The following XKR6 variants were observed in gnomAD, a reference collection of about 807,000 sequenced individuals.
XKR6 encodes XK-related protein 6.
Under a neutral mutation model 56.7 loss-of-function variants are expected in XKR6, and 22 were observed. The ratio of observed to expected loss-of-function variants is 0.39; its 90% CI spans 0.28 to 0.55. XKR6 has a LOEUF of 0.55. Among genes scored for constraint, XKR6 ranks in the 20% least tolerant of loss-of-function variants. XKR6 has a pLI of 0.66. For missense variants in XKR6, 852 were observed against 889.0 expected (o/e 0.96, Z 0.53); for synonymous variants, 524 against 387.8 (o/e 1.35, Z -4.13).
At chr8:11,150,901 A>T (rs951693242) in intron 1 of XKR6, among the ~76,000 whole-genome samples, 3 of 150,056 alleles carry the variant, frequency 2.0e-5, no homozygotes, top group African/African-American at 4.9e-5. Context: ...GAAATCAGTT[A>T]TTTTTTTCTC....
intron 1 of XKR6, among the ~76,000 whole-genome samples, chr8:11,016,927 TAGAC>T (rs1798638457): frequency 1.3e-5 from 2 of 152,210 alleles, no homozygotes; most frequent in African/African-American, 4.8e-5. Flanking sequence ...TTCCTTTAGA[TAGAC>T]AGACAGGTTA....
At chr8:11,154,668 GT>G (rs1454767892) in intron 1 of XKR6, among the ~76,000 whole-genome samples, 1 of 152,186 alleles carries the variant, frequency 6.6e-6, no homozygotes, top group Non-Finnish European at 1.5e-5. Context: ...TGCTGGAAAG[GT>G]ATCAGTCAGT....
intron 1 of XKR6, among the ~76,000 whole-genome samples, chr8:10,988,101 C>G (rs1413624310): frequency 6.6e-6 from 1 of 152,178 alleles, no homozygotes; most frequent in Non-Finnish European, 1.5e-5. Context: ...AAAGTTTCAC[C>G]CTCCCCTTCA....
In XKR6 at chr8:11,201,368, G is replaced by A. The variant is rs1804228887; in HGVS notation, c.-29C>T. 1 of 1,424,744 alleles carries A rather than the reference G, an allele frequency of 7.0e-7. No homozygotes were observed. The highest frequency in any genetic ancestry group is 9.2e-7 in the Non-Finnish European group (1 of 1,088,886). 88.3% of individuals were successfully genotyped at this position (1,424,744 alleles called of 1,614,324 possible). On this transcript the variant is annotated 5_prime_UTR_variant, in exon 1 of 3. Transcript: ENST00000416569. ...GACTCTCTTCCCAGCTCCGGAGGTT[G>A]GGGGGGAGGGACGGCGGGGGGGGGG...
At chr8:11,070,779 G>A (rs776496518) in intron 1 of XKR6, among the ~76,000 whole-genome samples, 9 of 152,188 alleles carry the variant, frequency 5.9e-5, no homozygotes, top group South Asian at 2.1e-4. Context: ...TTTAGAGATC[G>A]TGAATCAATA....
intron 1 of XKR6, chr8:11,124,188 G>C: frequency 2.8e-6 from 1 of 355,828 alleles, no homozygotes; most frequent in Admixed American, 3.7e-5. Context: ...ATTTGAGGGA[G>C]AAAAAAGCCA....
intron 1 of XKR6, among the ~76,000 whole-genome samples, chr8:11,181,457 C>G (rs774193379): frequency 6.6e-6 from 1 of 152,116 alleles, no homozygotes; most frequent in Non-Finnish European, 1.5e-5. Flanking sequence ...TACAAAGTGA[C>G]TATAGTTTTC....
At chr8:11,008,625 G>A (rs1333779127) in intron 1 of XKR6, among the ~76,000 whole-genome samples, 2 of 151,910 alleles carry the variant, frequency 1.3e-5, no homozygotes, top group East Asian at 3.9e-4. Context: ...CCATTACCCA[G>A]GTTGGGCTCA....
At chr8:10,945,224 C>T (rs1046775405) in intron 1 of XKR6, among the ~76,000 whole-genome samples, 2 of 152,190 alleles carry the variant, frequency 1.3e-5, no homozygotes, top group African/African-American at 4.8e-5. Flanking sequence ...TGGCTCATAC[C>T]TGCAGTCCCA....
rs540140601 is a variant in XKR6, at chr8:10,999,344, T to C, written c.765-74514A>G. On this transcript the variant is annotated intron_variant, in intron 1 of 2. Coordinates refer to ENST00000416569, the MANE Select transcript of XKR6 (RefSeq NM_173683.4). ...GTTGGCTAAGGAGATGCACATAATATGGTGTTGAAAGAAAAATTCAGGATA... is the reference window on the plus strand; with the variant it reads ...GTTGGCTAAGGAGATGCACATAATACGGTGTTGAAAGAAAAATTCAGGATA... Among the ~76,000 whole-genome samples, 8 of 152,330 alleles carry C rather than the reference T, an allele frequency of 5.3e-5. No individual in the cohort carries two copies. The South Asian group carries it at 1.2e-3, about 24-fold the overall frequency.
At chr8:10,964,436 G>A (rs1229782534) in intron 1 of XKR6, among the ~76,000 whole-genome samples, 2 of 152,140 alleles carry the variant, frequency 1.3e-5, no homozygotes, top group African/African-American at 2.4e-5. Context: ...TTCCTCAGTG[G>A]CAGGAACCCA....
chr8:11,135,020 T>G (rs766432273), intron 1 of XKR6, among the ~76,000 whole-genome samples: 1 of 149,338 alleles, frequency 6.7e-6, no homozygotes, highest in African/African-American at 2.5e-5. Flanking sequence ...CAAAAATGCA[T>G]AGAAAATGCA....
At chr8:11,078,661 G>A (rs1461109480) in intron 1 of XKR6, among the ~76,000 whole-genome samples, 1 of 152,232 alleles carries the variant, frequency 6.6e-6, no homozygotes, top group East Asian at 1.9e-4. Context: ...GCTTGATGGA[G>A]GCCCCCCATG....
At position 11,201,077 on chromosome 8, in the gene XKR6, G is replaced by C; in HGVS notation, c.263C>G (p.Ala88Gly). ...LGRKPRRSAA[A>G]DGGDQPLQPP... ...CTGCAGCGGCTGGTCCCCCCCGTCG[G>C]CGGCGGCGCTGCGGCGCGGCTTCCT... Residue 88 changes from alanine to glycine, a missense_variant, in exon 1 of 3, where the codon GCC becomes GGC. By Grantham distance (60) the Ala-to-Gly change is moderately conservative. Transcript: ENST00000416569. 3 of 1,339,494 alleles carry C rather than the reference G, an allele frequency of 2.2e-6. No homozygotes were observed. Among genetic ancestry groups the C allele is most frequent in the South Asian group, 3.8e-5 (2 of 52,928 alleles). The allele number at this position is 1,339,494 out of a possible 1,614,324, so 83.0% of individuals were successfully genotyped here. A position where few individuals can be genotyped will look rare whatever the true frequency, so the allele number is the denominator to read the frequency against.
At chr8:11,061,496 A>C (rs952271636) in intron 1 of XKR6, among the ~76,000 whole-genome samples, 12 of 152,152 alleles carry the variant, frequency 7.9e-5, no homozygotes, top group African/African-American at 2.9e-4. Flanking sequence ...TGAACCAGTA[A>C]AAATGGGAAC....
intron 1 of XKR6, among the ~76,000 whole-genome samples, chr8:11,126,384 G>C (rs1264263745): frequency 2.0e-5 from 3 of 152,058 alleles, no homozygotes; most frequent in Non-Finnish European, 4.4e-5. Context: ...CGTTTTTTAA[G>C]TGATAAAGTA....
intron 1 of XKR6, among the ~76,000 whole-genome samples, chr8:11,144,590 C>T (rs1800883533): frequency 6.6e-6 from 1 of 151,938 alleles, no homozygotes; most frequent in Non-Finnish European, 1.5e-5. Context: ...AGACGCTTTC[C>T]TGCAGCAGTT....
Position 11,201,372 on chromosome 8 carries a change from G to A in XKR6, c.-33C>T, listed in dbSNP as rs748510851. 3 of 1,413,318 alleles carry A rather than the reference G, an allele frequency of 2.1e-6. No individual in the cohort carries two copies. Among genetic ancestry groups the A allele is most frequent in the Non-Finnish European group, 2.8e-6 (3 of 1,082,786 alleles). 87.5% of individuals were successfully genotyped at this position (1,413,318 alleles called of 1,614,324 possible). On this transcript the variant is annotated 5_prime_UTR_variant, in exon 1 of 3. Transcript: ENST00000416569. ...CTCTTCCCAGCTCCGGAGGTTGGGG[G>A]GGAGGGACGGCGGGGGGGGGGGGAA...
At chr8:11,006,000 C>T (rs577804187) in intron 1 of XKR6, among the ~76,000 whole-genome samples, 15 of 151,952 alleles carry the variant, frequency 9.9e-5, no homozygotes, top group Non-Finnish European at 1.9e-4. Flanking sequence ...CCCGCTACCA[C>T]GCCTGGATAA....
Sources: allele counts gnomAD v4.1 joint callset (sites outside exome capture counted in the v4.1 genomes callset), GRCh38; gene constraint gnomAD v4.1.1; transcripts MANE v1.5; gene names NCBI Gene and HGNC (gene_info 2026-07-23, HGNC 2026-07-21).